The following PRKAB2 variants were observed in gnomAD, a reference collection of about 807,000 sequenced individuals.
PRKAB2 encodes protein kinase AMP-activated non-catalytic subunit beta 2.
In PRKAB2, 18 loss-of-function variants were observed where a neutral mutation model predicts 29.8. The ratio of observed to expected loss-of-function variants is 0.60; its 90% confidence interval spans 0.42 to 0.89. The LOEUF (loss-of-function observed/expected upper bound fraction) is 0.89. Ranked by LOEUF, PRKAB2 falls within the 40% of genes least tolerant of loss-of-function variation. The pLI is 0.00. For synonymous variants in PRKAB2, 136 were observed against 125.9 expected, an observed-to-expected ratio of 1.08 and a Z score of -0.54; for missense variants, 270 against 344.3, an observed-to-expected ratio of 0.78 and a Z score of 1.71.
intron 2 of PRKAB2, among the ~76,000 whole-genome samples, chr1:147,170,469 G>A (rs57570045): frequency 0.037 from 5,587 of 152,268 alleles, 146 homozygotes; most frequent in South Asian, 0.094. Context: ...AAGCTTTGAA[G>A]AAGTAAATTC....
chr1:147,163,547 T>C (rs755587303), intron 5 of PRKAB2, among the ~76,000 whole-genome samples: 75 of 152,106 alleles, frequency 4.9e-4, no homozygotes, highest in Non-Finnish European at 1.0e-3. Context: ...GGTTAGAACA[T>C]GGATGAACCC....
intron 2 of PRKAB2, among the ~76,000 whole-genome samples, chr1:147,168,523 T>C (rs1172754995): frequency 1.3e-5 from 2 of 152,270 alleles, no homozygotes; most frequent in Non-Finnish European, 2.9e-5. Flanking sequence ...GAAGTGGCTA[T>C]GAAATCTTAC....
Position 147,167,652 on chromosome 1 carries a change from A to G in PRKAB2, c.323+115T>C. ...ATACTAAGTGGCCGCAGAAAAGGGC[A>G]TGTTCTAGAGACAGTCCTTAGTAGG... is the stretch of plus-strand genomic sequence containing the variant. On this transcript the variant is annotated intron_variant, in intron 3 of 7. Transcript: ENST00000254101. 6 of 1,222,164 alleles carry G rather than the reference A, an allele frequency of 4.9e-6. No individual in the cohort carries two copies. In the South Asian group the frequency reaches 9.8e-5, roughly 20 times the overall value. The allele number at this position is 1,222,164 out of a possible 1,614,324, so 75.7% of individuals were successfully genotyped here.
intron 2 of PRKAB2, among the ~76,000 whole-genome samples, chr1:147,168,275 G>T (rs1468541070): frequency 2.6e-5 from 4 of 151,974 alleles, no homozygotes; most frequent in African/African-American, 9.7e-5. Context: ...ATTATGATAT[G>T]CTTCTGAGTC....
In PRKAB2 at chr1:147,159,339, A is replaced by G; in HGVS notation, c.*226T>C. 2.0e-6 allele frequency: 1 copy of G among 490,296 alleles called. No individual in the cohort carries two copies. The highest frequency in any genetic ancestry group is 1.9e-5 in the African/African-American group (1 of 51,854). The allele number at this position is 490,296 out of a possible 1,614,324, so 30.4% of individuals were successfully genotyped here. A position where few individuals can be genotyped will look rare whatever the true frequency, so the allele number is the denominator to read the frequency against. ...AGCTGGGGCTAGGAGGCTTCCATTTACCTTCTTCTCATATGTATATTTTTT... is the reference window on the plus strand; with the variant it reads ...AGCTGGGGCTAGGAGGCTTCCATTTGCCTTCTTCTCATATGTATATTTTTT... On this transcript the variant is annotated 3_prime_UTR_variant, in exon 8 of 8. Transcript: ENST00000254101.
chr1:147,161,747 C>T lies in PRKAB2; in HGVS notation c.706G>A (p.Val236Ile). ...AATGCATAGAGATGGTTCAGCATAA[C>T]ATGGTTGGGCTCAGGGAGTAAGGCT... is the stretch of plus-strand genomic sequence containing the variant. ...DPALLPEPNHVMLNHLYALSI... is the reference protein window; with the variant it reads ...DPALLPEPNHIMLNHLYALSI... The change falls in exon 7 of 8, where the codon GTT becomes ATT. Residue 236 changes from valine (V) to isoleucine (I), a missense_variant. By Grantham distance (29) the Val-to-Ile change is conservative (BLOSUM62 3). Around this residue, in one of 2 missense-constraint regions of PRKAB2, gnomAD observed 42 missense variants for 88.8 expected, o/e 0.47. Transcript: ENST00000254101. 6.2e-7 allele frequency: 1 copy of T among 1,613,000 alleles called. No individual in the cohort carries two copies. Among genetic ancestry groups the T allele is most frequent in the Non-Finnish European group, 8.5e-7 (1 of 1,179,272 alleles).
rs1018311484 is a variant in PRKAB2, at chr1:147,156,015, T to C, written c.*3550A>G. 1.3e-5 allele frequency: 2 copies of C among 152,216 alleles called. No individual in the cohort carries two copies. The highest frequency in any genetic ancestry group is 2.9e-5 in the Non-Finnish European group (2 of 68,022). The allele number at this position is 152,216 out of a possible 1,614,324, so 9.4% of individuals were successfully genotyped here. ...GACAAATGCTTAGATCCAAAGAGTT[T>C]TGAAAGACCCTAATGGCTACCCCTC... On this transcript the variant is annotated 3_prime_UTR_variant, in exon 8 of 8. Transcript: ENST00000254101.
At chr1:147,164,956 A>C (rs1553913490) in intron 5 of PRKAB2, among the ~76,000 whole-genome samples, 1 of 152,240 alleles carries the variant, frequency 6.6e-6, no homozygotes, top group Non-Finnish European at 1.5e-5. Flanking sequence ...CTGTCCCACC[A>C]GTCAAAAATA....
chr1:147,155,700 A>G lies in PRKAB2; in HGVS notation c.*3865T>C, dbSNP rs1283170558. ...CTGCAAAAGTGCTGTGCTACATACA[A>G]TCAATTCAAGTTAACTCCAACTAAT... On this transcript the variant is annotated 3_prime_UTR_variant, in exon 8 of 8. Coordinates refer to ENST00000254101, the MANE Select transcript of PRKAB2 (RefSeq NM_005399.5). 6.5e-6 allele frequency: 1 copy of G among 152,714 alleles called. No individual in the cohort carries two copies. The highest frequency in any genetic ancestry group is 2.4e-5 in the African/African-American group (1 of 41,550). The allele number at this position is 152,714 out of a possible 1,614,324, so 9.5% of individuals were successfully genotyped here. A position where few individuals can be genotyped will look rare whatever the true frequency, so the allele number is the denominator to read the frequency against.
chr1:147,161,139 C>A (rs587704600), intron 7 of PRKAB2, among the ~76,000 whole-genome samples: 1 of 152,202 alleles, frequency 6.6e-6, no homozygotes, highest in Non-Finnish European at 1.5e-5. Context: ...AATAGCCAAA[C>A]CACAAAGACA....
At chr1:147,167,498 A>G (rs943974109) in intron 3 of PRKAB2, among the ~76,000 whole-genome samples, 14 of 152,212 alleles carry the variant, frequency 9.2e-5, no homozygotes, top group Admixed American at 1.3e-4. Flanking sequence ...ACAAGCATAG[A>G]CAGGACTTGT....
chr1:147,163,001 G>A (rs775654673), intron 5 of PRKAB2, among the ~76,000 whole-genome samples: 5 of 152,162 alleles, frequency 3.3e-5, no homozygotes, highest in African/African-American at 1.2e-4. Flanking sequence ...AATGGGAAAA[G>A]ATTAGATTTT....
chr1:147,168,922 G>C (rs1459429791), intron 2 of PRKAB2, among the ~76,000 whole-genome samples: 2 of 152,158 alleles, frequency 1.3e-5, no homozygotes, highest in African/African-American at 4.8e-5. Context: ...TCCCACCTCA[G>C]CTTCCAGAGA....
intron 5 of PRKAB2, 36 bp downstream of exon 5, chr1:147,166,462 A>G: frequency 2.5e-6 from 4 of 1,600,416 alleles, no homozygotes; most frequent in Non-Finnish European, 2.6e-6. Flanking sequence ...ACTACAAGAA[A>G]GACACAGCAA....
chr1:147,159,383 G>A lies in PRKAB2; in HGVS notation c.*182C>T, dbSNP rs1169098847. The A allele has an allele frequency of 8.7e-5, 46 of 526,122 alleles. No homozygotes were observed. Among genetic ancestry groups the A allele is most frequent in the African/African-American group, 4.8e-4 (25 of 52,272 alleles). 32.6% of individuals were successfully genotyped at this position (526,122 alleles called of 1,614,324 possible). Reference sequence around the variant, plus strand: ...ATTTTTTTTTCTTAAAATAAATTCCGTGAACTCATAAAGCTCTCATCTGCA... The same window carrying A: ...ATTTTTTTTTCTTAAAATAAATTCCATGAACTCATAAAGCTCTCATCTGCA... On this transcript the variant is annotated 3_prime_UTR_variant, in exon 8 of 8. Coordinates refer to ENST00000254101, the MANE Select transcript of PRKAB2 (RefSeq NM_005399.5).
At chr1:147,167,116 T>C (rs1654289209) in intron 3 of PRKAB2, among the ~76,000 whole-genome samples, 177 bp from the exon 4 acceptor site, 1 of 152,210 alleles carries the variant, frequency 6.6e-6, no homozygotes, top group Non-Finnish European at 1.5e-5. Flanking sequence ...ATCTTGGACA[T>C]GTATTTACCA....
intron 5 of PRKAB2, among the ~76,000 whole-genome samples, chr1:147,166,261 T>C (rs1553913662): frequency 6.6e-6 from 1 of 152,184 alleles, no homozygotes; most frequent in African/African-American, 2.4e-5. Flanking sequence ...AAATAGAGTG[T>C]ATCCCATGTA....
In PRKAB2 at chr1:147,167,853, A is replaced by C. The variant is rs1319287138; in HGVS notation, c.237T>G (p.Thr79=). 3 of 1,614,194 alleles carry C rather than the reference A, an allele frequency of 1.9e-6. No individual in the cohort carries two copies. The highest frequency in any genetic ancestry group is 2.5e-6 in the Non-Finnish European group (3 of 1,180,018). ...TGCCTCCTTCAGACCAGCGGATAAC[A>C]GTGGGCCGGGCCTGCTGTGTGGGCT... is the stretch of plus-strand genomic sequence containing the variant. The part of the protein sequence containing the change: ...SVKPTQQARP[T]VIRWSEGGKE... The change falls in exon 3 of 8, where the codon ACT becomes ACG. Residue 79 remains threonine, a synonymous_variant. Transcript: ENST00000254101.
intron 3 of PRKAB2, among the ~76,000 whole-genome samples, chr1:147,167,410 A>C (rs1282908137): frequency 6.6e-6 from 1 of 152,228 alleles, no homozygotes; most frequent in Non-Finnish European, 1.5e-5. Flanking sequence ...TAACATGACT[A>C]CCTAAAAATT....
Sources: gnomAD v4.1 joint callset for allele counts (sites outside exome capture counted in the v4.1 genomes callset) on GRCh38, gnomAD v4.1.1 for gene constraint, gnomAD v4.1.1 regional missense constraint, MANE v1.5 for transcripts, NCBI Gene and HGNC (gene_info 2026-07-23, HGNC 2026-07-21) for gene names.